The following MYH15 variants were observed in gnomAD, a reference collection of about 807,000 sequenced individuals.
The protein encoded by MYH15 is myosin-15.
MYH15 carries 227 observed loss-of-function variants against 240.5 expected under a neutral mutation model. The observed-to-expected ratio is 0.94, with a 90% CI of 0.85 to 1.05. The LOEUF is 1.05. Among genes scored for constraint, MYH15 ranks in the 50% least tolerant of loss-of-function variants. The probability of loss-of-function intolerance (pLI) is 0.00; values close to 1 mark genes in which losing one functional copy is unlikely to be tolerated. For synonymous variants in MYH15, 785 were observed against 796.7 expected (o/e 0.99, Z 0.25); for missense variants, 2,217 against 2,247.5 (o/e 0.99, Z 0.27).
intron 1 of MYH15, among the ~76,000 whole-genome samples, chr3:108,520,293 C>T (rs767380124): frequency 1.2e-4 from 18 of 152,082 alleles, no homozygotes; most frequent in South Asian, 6.2e-4. Flanking sequence ...TATTTTGTTT[C>T]GTATAACAAC....
chr3:108,520,803 T>C (rs1315981471), intron 1 of MYH15, among the ~76,000 whole-genome samples: 1 of 152,098 alleles, frequency 6.6e-6, no homozygotes, highest in Non-Finnish European at 1.5e-5. Context: ...TCCAAGAAAA[T>C]AGTTAATCAT....
chr3:108,518,853 T>A (rs968559458), intron 1 of MYH15, among the ~76,000 whole-genome samples: 6 of 152,230 alleles, frequency 3.9e-5, no homozygotes, highest in African/African-American at 1.4e-4. Flanking sequence ...GCTACTTGCA[T>A]CATGATAATT....
intron 11 of MYH15, among the ~76,000 whole-genome samples, chr3:108,484,764 G>C (rs1485827095): frequency 6.6e-6 from 1 of 152,188 alleles, no homozygotes; most frequent in Non-Finnish European, 1.5e-5. Flanking sequence ...ACAAGCGTGA[G>C]TCACGGTGTC....
At chr3:108,443,184 G>C (rs1019362821) in intron 22 of MYH15, among the ~76,000 whole-genome samples, 1 of 152,116 alleles carries the variant, frequency 6.6e-6, no homozygotes, top group African/African-American at 2.4e-5. Context: ...TTGAAATGGG[G>C]CCCAGGAATT....
intron 24 of MYH15, 73 bp from the exon 25 acceptor site, chr3:108,437,772 A>T (rs371907064): frequency 1.4e-6 from 2 of 1,393,086 alleles, no homozygotes. Context: ...TTCATTAACC[A>T]CTTACCTTCT....
chr3:108,402,052 C>A (rs1222340859), intron 33 of MYH15, among the ~76,000 whole-genome samples: 1 of 152,152 alleles, frequency 6.6e-6, no homozygotes, highest in Admixed American at 6.5e-5. Context: ...GCATTTAAAT[C>A]ATTGACAATG....
In MYH15 at chr3:108,495,852, G is replaced by A; in HGVS notation, c.639C>T (p.Ile213=). The A allele has an allele frequency of 6.2e-7, 1 of 1,610,924 alleles. No individual in the cohort carries two copies. Among genetic ancestry groups the A allele is most frequent in the Non-Finnish European group, 8.5e-7 (1 of 1,178,694 alleles). The change falls in exon 7 of 41, where the codon ATC becomes ATT. Residue 213 remains isoleucine (I), a synonymous_variant. Transcript: ENST00000693548. ...CTTCCAAGATAGTATTCGCTTGCAT[G>A]ATTTGATCTTCTAACGCCCCCTGAG... ...RKKQGALEDQ[I]MQANTILEAF... is the part of the protein sequence containing the mutation.
chr3:108,505,217 T>C (rs1440383174), intron 2 of MYH15, among the ~76,000 whole-genome samples: 5 of 152,226 alleles, frequency 3.3e-5, no homozygotes, highest in African/African-American at 7.2e-5. Context: ...ATTGTTTTAC[T>C]CTGATTTATT....
chr3:108,405,172 T>C (rs940037486), intron 33 of MYH15, 166 bp downstream of exon 33: 6 of 402,738 alleles, frequency 1.5e-5, no homozygotes, highest in African/African-American at 4.1e-5. Flanking sequence ...GGAATATCTA[T>C]ACACGATTAT....
intron 29 of MYH15, among the ~76,000 whole-genome samples, chr3:108,415,454 T>C (rs2082625640): frequency 6.6e-6 from 1 of 152,220 alleles, no homozygotes; most frequent in Non-Finnish European, 1.5e-5. Flanking sequence ...TTTATTTTTC[T>C]TTAAAGGAAA....
At chr3:108,470,870 T>C in intron 12 of MYH15, 23 bp from the exon 13 acceptor site, 1 of 1,611,150 alleles carries the variant, frequency 6.2e-7, no homozygotes, top group Non-Finnish European at 8.5e-7. Context: ...TTGAAAACAC[T>C]CCTTCATCTG....
intron 33 of MYH15, among the ~76,000 whole-genome samples, chr3:108,400,959 G>T (rs915156368): frequency 3.3e-5 from 5 of 152,140 alleles, no homozygotes; most frequent in African/African-American, 9.7e-5. Flanking sequence ...GAAATGTATA[G>T]AAAATAACTC....
chr3:108,542,540 A>G, the MYH15 span, among the ~76,000 whole-genome samples: 2 of 152,094 alleles, frequency 1.3e-5, no homozygotes, highest in East Asian at 1.9e-4. Flanking sequence ...TTCATAGCTC[A>G]TTTATTTTTA....
intron 26 of MYH15, among the ~76,000 whole-genome samples, chr3:108,430,609 G>A (rs1026197065): frequency 1.8e-4 from 28 of 152,174 alleles, no homozygotes; most frequent in African/African-American, 6.8e-4. Flanking sequence ...ACAGCAAACA[G>A]TCAACCAATT....
rs796505461 is a variant in MYH15, at chr3:108,383,912, C to A, written c.5632-183G>T. On this transcript the variant is annotated intron_variant, in intron 39 of 40. Coordinates refer to ENST00000693548, the MANE Select transcript of MYH15 (RefSeq NM_014981.3). Reference sequence around the variant, plus strand: ...CAGACTTTCTAGCAGGTATAAGATCCATTTTTTTATAACTTTTGTTCCTTG... The same window carrying A: ...CAGACTTTCTAGCAGGTATAAGATCAATTTTTTTATAACTTTTGTTCCTTG... Among the ~76,000 whole-genome samples the A allele has an allele frequency of 3.5e-4, 53 of 152,032 alleles. 2 individuals carry two copies. Among genetic ancestry groups the A allele is most frequent in the African/African-American group, 1.2e-3 (51 of 41,478 alleles).
chr3:108,498,564 G>T (rs571373165), intron 5 of MYH15, among the ~76,000 whole-genome samples: 1 of 152,132 alleles, frequency 6.6e-6, no homozygotes, highest in Non-Finnish European at 1.5e-5. Context: ...CCAGGCAGTT[G>T]GGCTTTAGGC....
rs1026062123 is a variant in MYH15, at chr3:108,522,781, G to A, written c.-58+6482C>T. Among the ~76,000 whole-genome samples the A allele has an allele frequency of 2.6e-5, 4 of 152,008 alleles. No individual in the cohort carries two copies. In the South Asian group the frequency reaches 8.3e-4, roughly 31 times the overall value. ...TATTTGAGGGCGAAATAATTCATAC[G>A]ATGGTGTTTTGAGACACAATTTAAA... On this transcript the variant is annotated intron_variant, in intron 1 of 41. Transcript: ENST00000273353.
At chr3:108,540,536 GAA>G in the MYH15 span, among the ~76,000 whole-genome samples, 5 of 152,166 alleles carry the variant, frequency 3.3e-5, no homozygotes, top group East Asian at 9.6e-4. Flanking sequence ...AAAAAAAAGA[GAA>G]AAAAGTCACA....
chr3:108,524,552 A>C (rs912896389), intron 1 of MYH15, among the ~76,000 whole-genome samples: 17 of 152,138 alleles, frequency 1.1e-4, no homozygotes, highest in African/African-American at 4.1e-4. Context: ...ACAGTTAAAT[A>C]TGCCTATCTT....
Sources: allele counts gnomAD v4.1 joint callset (sites outside exome capture counted in the v4.1 genomes callset), GRCh38; gene constraint gnomAD v4.1.1; transcripts MANE v1.5; gene names NCBI Gene and HGNC (gene_info 2026-07-23, HGNC 2026-07-21).